Variants in ZBTB43 observed in about 807,000 individuals in gnomAD.
The protein encoded by ZBTB43 is zinc finger and BTB domain containing 43, also known as zinc finger and BTB domain-containing protein 43.
In ZBTB43, 6 loss-of-function variants were observed where a neutral mutation model predicts 31.1. That is an observed-to-expected ratio of 0.19 (90% CI 0.11 to 0.38). ZBTB43 has a LOEUF of 0.38. Among genes scored for constraint, ZBTB43 ranks in the 10% least tolerant of loss-of-function variants. The pLI, the probability that ZBTB43 is intolerant of heterozygous loss-of-function variation, is 1.00. For missense variants in ZBTB43, 379 were observed against 602.1 expected, an observed-to-expected ratio of 0.63 and a Z score of 3.88; for synonymous variants, 212 against 221.7, an observed-to-expected ratio of 0.96 and a Z score of 0.39.
chr9:126,814,528 T>C (rs2032331226), intron 2 of ZBTB43, among the ~76,000 whole-genome samples: 1 of 152,050 alleles, frequency 6.6e-6, no homozygotes, highest in African/African-American at 2.4e-5. Flanking sequence ...GCGCGGTGGC[T>C]TACGCCTGTA....
At chr9:126,830,442 C>T (rs1389027969) in intron 2 of ZBTB43, among the ~76,000 whole-genome samples, 9 of 152,146 alleles carry the variant, frequency 5.9e-5, no homozygotes, top group African/African-American at 2.2e-4. Context: ...TTCAGGAATT[C>T]GAGACCAGCC....
At chr9:126,807,620 T>C (rs2032155071) in intron 1 of ZBTB43, among the ~76,000 whole-genome samples, 1 of 152,158 alleles carries the variant, frequency 6.6e-6, no homozygotes, top group Non-Finnish European at 1.5e-5. Context: ...ACTTTTTTTT[T>C]CTTGTTTTTG....
At chr9:126,832,314 T>C in intron 2 of ZBTB43, 173 bp from the exon 3 acceptor site, 1 of 638,202 alleles carries the variant, frequency 1.6e-6, no homozygotes, top group East Asian at 2.8e-5. Context: ...GAGTCCTGCC[T>C]TTGGCAAACA....
chr9:126,813,268 C>T (rs1481742951), intron 2 of ZBTB43, among the ~76,000 whole-genome samples: 3 of 152,144 alleles, frequency 2.0e-5, no homozygotes, highest in Non-Finnish European at 4.4e-5. Flanking sequence ...ACGTGAGCCA[C>T]CATGCCTGGC....
rs1227466649 is a variant in ZBTB43, at chr9:126,817,770, C to T, written c.-24+8855C>T. ...GGATTGCAGGCGTGAGCCACTGCGC[C>T]TGGCCCCATGAGGTTTTTTAGTGAG... On this transcript the variant is annotated intron_variant, in intron 2 of 2. Coordinates refer to ENST00000373464, the MANE Select transcript of ZBTB43 (RefSeq NM_014007.4). 3.3e-5 allele frequency among the ~76,000 whole-genome samples: 5 copies of T among 152,202 alleles called. No homozygotes were observed. In the East Asian group the frequency reaches 9.6e-4, roughly 29 times the overall value.
intron 2 of ZBTB43, among the ~76,000 whole-genome samples, chr9:126,829,459 A>G (rs776027183): frequency 1.3e-4 from 20 of 152,368 alleles, no homozygotes; most frequent in African/African-American, 4.6e-4. Context: ...CTATGTGGCC[A>G]TTAAACAGAA....
intron 1 of ZBTB43, 48 bp from the exon 2 acceptor site, chr9:126,808,745 G>A (rs918450847): frequency 1.3e-5 from 2 of 152,126 alleles, no homozygotes; most frequent in South Asian, 2.1e-4. Context: ...GCAAATACAC[G>A]TGTACATAGC....
At position 126,833,266 on chromosome 9, in the gene ZBTB43, C is replaced by G; in HGVS notation, c.757C>G (p.Gln253Glu). 1.2e-6 allele frequency: 2 copies of G among 1,613,628 alleles called. No homozygotes were observed. Among genetic ancestry groups the G allele is most frequent in the Non-Finnish European group, 1.7e-6 (2 of 1,179,862 alleles). ...CCACGTGAAGCCCGAGCGCTTAGAA[C>G]AGGCTTGCGAGGGCATGGATGTGCA... is the stretch of plus-strand genomic sequence containing the variant. Reference protein sequence around the residue: ...WIHVKPERLEQACEGMDVHAT... With the variant: ...WIHVKPERLEEACEGMDVHAT... The change falls in exon 3 of 3, where the codon CAG becomes GAG. Residue 253 changes from glutamine (Q) to glutamate (E), a missense_variant. Gln to Glu is a conservative substitution (Grantham distance 29). This residue lies in a region of ZBTB43 where 253 missense variants were observed against 322.3 expected (regional missense o/e 0.79). Coordinates refer to ENST00000373464, the MANE Select transcript of ZBTB43 (RefSeq NM_014007.4). The surrounding 1 kb of genome is among the most constrained non-coding windows in gnomAD (Gnocchi z 7.9).
At position 126,836,345 on chromosome 9, in the gene ZBTB43, C is replaced by CAG. The variant is rs751523355; in HGVS notation, c.*2433_*2434dup. 6 of 166,730 alleles carry CAG rather than the reference C, an allele frequency of 3.6e-5. No individual in the cohort carries two copies. The highest frequency in any genetic ancestry group is 8.8e-5 in the Non-Finnish European group (6 of 68,118). The allele number at this position is 166,730 out of a possible 1,614,324, so 10.3% of individuals were successfully genotyped here. On this transcript the variant is annotated 3_prime_UTR_variant, in exon 3 of 3. Coordinates refer to ENST00000373464, the MANE Select transcript of ZBTB43 (RefSeq NM_014007.4). ...CTTCTTGAAAGCCTTATGTGTCCAT[C>CAG]AGCTACTAAATGTAGAACTTAAATA...
intron 2 of ZBTB43, among the ~76,000 whole-genome samples, chr9:126,818,254 C>G (rs190583930): frequency 6.6e-6 from 1 of 150,676 alleles, no homozygotes; most frequent in African/African-American, 2.4e-5. Context: ...TCCCAAGTAG[C>G]TGGGACTACA....
chr9:126,813,737 A>T (rs2032300437), intron 2 of ZBTB43, among the ~76,000 whole-genome samples: 1 of 152,218 alleles, frequency 6.6e-6, no homozygotes. Flanking sequence ...TTCTATGTTA[A>T]TAAGTGAGAT....
chr9:126,806,332 T>C (rs2119100333), intron 1 of ZBTB43, among the ~76,000 whole-genome samples: 1 of 152,344 alleles, frequency 6.6e-6, no homozygotes, highest in Non-Finnish European at 1.5e-5. Context: ...AGAAACCTAA[T>C]AATTGGGAAT....
rs145382315 is a variant in ZBTB43, at chr9:126,833,214, C to T, written c.705C>T (p.Pro235=). The change falls in exon 3 of 3, where the codon CCC becomes CCT. Residue 235 remains proline (P), a synonymous_variant. Transcript: ENST00000373464. The surrounding 1 kb of genome is among the most constrained non-coding windows in gnomAD (Gnocchi z 7.9). ...FHYTRPMYSK[P]SIMAHKRWIH... is the part of the protein sequence containing the mutation. ...ACACCCGGCCCATGTACAGCAAGCC[C>T]AGCATCATGGCTCACAAACGCTGGA... 6.2e-7 allele frequency: 1 copy of T among 1,613,682 alleles called. No homozygotes were observed. The highest frequency in any genetic ancestry group is 1.3e-5 in the African/African-American group (1 of 75,058).
intron 2 of ZBTB43, among the ~76,000 whole-genome samples, chr9:126,824,183 C>A (rs921859585): frequency 1.3e-5 from 2 of 152,132 alleles, no homozygotes; most frequent in Non-Finnish European, 2.9e-5. Context: ...CGCACCACCA[C>A]GCCTGGCTAA....
rs1488120872 is a variant in ZBTB43 at position 126,836,197 on chromosome 9, A to G, written c.*2284A>G. 1 of 167,132 alleles carries G rather than the reference A, an allele frequency of 6.0e-6. No homozygotes were observed. The highest frequency in any genetic ancestry group is 1.5e-5 in the Non-Finnish European group (1 of 68,130). The allele number at this position is 167,132 out of a possible 1,614,324, so 10.4% of individuals were successfully genotyped here. On this transcript the variant is annotated 3_prime_UTR_variant, in exon 3 of 3. Coordinates refer to ENST00000373464, the MANE Select transcript of ZBTB43 (RefSeq NM_014007.4). ...GTCCTTCAGTTCTGCTGAAATCAGC[A>G]TAGTGCCCTTGTCATGAGGAAGAGT...
chr9:126,833,287 G>A lies in ZBTB43; in HGVS notation c.778G>A (p.Val260Met), dbSNP rs1327272029. ...RLEQACEGMD[V>M]HATYDEHQVT... is the part of the protein sequence containing the mutation. ...AGAACAGGCTTGCGAGGGCATGGATGTGCACGCGACCTACGACGAGCACCA... is the reference window on the plus strand; with the variant it reads ...AGAACAGGCTTGCGAGGGCATGGATATGCACGCGACCTACGACGAGCACCA... Residue 260 changes from valine to methionine, a missense_variant, in exon 3 of 3, where the codon GTG becomes ATG. Physicochemically the swap from Val to Met is conservative, Grantham distance 21. Around this residue, in one of 5 missense-constraint regions of ZBTB43, gnomAD observed 253 missense variants for 322.3 expected, o/e 0.79. Coordinates refer to ENST00000373464, the MANE Select transcript of ZBTB43 (RefSeq NM_014007.4). This position sits in a 1 kb window ranked among gnomAD's most constrained non-coding sequence, Gnocchi z 7.9. The A allele has an allele frequency of 6.2e-7, 1 of 1,613,442 alleles. No individual in the cohort carries two copies. Among genetic ancestry groups the A allele is most frequent in the Non-Finnish European group, 8.5e-7 (1 of 1,179,746 alleles).
intron 2 of ZBTB43, among the ~76,000 whole-genome samples, chr9:126,828,648 A>ATT (rs1554742722): frequency 9.8e-4 from 131 of 133,740 alleles, no homozygotes; most frequent in African/African-American, 2.6e-3. Flanking sequence ...TAATAATAAT[A>ATT]ATAATAATTA....
At chr9:126,826,886 A>C (rs551156706) in intron 2 of ZBTB43, among the ~76,000 whole-genome samples, 159 of 152,152 alleles carry the variant, frequency 1.0e-3, no homozygotes, top group Non-Finnish European at 1.7e-3. Flanking sequence ...AACCTCTGTG[A>C]CTTGTGATTC....
intron 2 of ZBTB43, among the ~76,000 whole-genome samples, chr9:126,816,568 T>C (rs1310268067): frequency 6.6e-6 from 1 of 152,250 alleles, no homozygotes; most frequent in Non-Finnish European, 1.5e-5. Context: ...TTTGTTTAAT[T>C]CTTGAGAGGG....
Sources: gnomAD v4.1 joint callset for allele counts (sites outside exome capture counted in the v4.1 genomes callset) on GRCh38, gnomAD v4.1.1 for gene constraint, gnomAD v4.1.1 regional missense constraint, Gnocchi (gnomAD v3.1) non-coding constraint, MANE v1.5 for transcripts, NCBI Gene and HGNC (gene_info 2026-07-23, HGNC 2026-07-21) for gene names.